The following DLGAP1 variants were observed in gnomAD, a reference collection of about 807,000 sequenced individuals.
DLGAP1 encodes the protein DLG associated protein 1, also known as disks large-associated protein 1.
Under a neutral mutation model 90.8 loss-of-function variants are expected in DLGAP1, and 11 were observed. That is an observed-to-expected ratio of 0.12 (90% CI 0.08 to 0.20). The LOEUF is 0.20. Among genes scored for constraint, DLGAP1 ranks in the 10% least tolerant of loss-of-function variants. The pLI is 1.00. For synonymous variants in DLGAP1, 558 were observed against 540.7 expected (o/e 1.03, Z -0.44); for missense variants, 1,050 against 1,333.8 (o/e 0.79, Z 3.31).
intron 1 of DLGAP1, among the ~76,000 whole-genome samples, chr18:4,227,462 G>C (rs1227739311): frequency 6.6e-6 from 1 of 151,506 alleles, no homozygotes; most frequent in Non-Finnish European, 1.5e-5. Flanking sequence ...CAGAAAACTA[G>C]TCTTAAGACA....
At chr18:3,726,299 T>G (rs1271099651) in intron 7 of DLGAP1, among the ~76,000 whole-genome samples, 1 of 152,188 alleles carries the variant, frequency 6.6e-6, no homozygotes, top group East Asian at 1.9e-4. Context: ...TTTCAAAAAT[T>G]ATTAGGTCCT....
chr18:4,018,038 A>G (rs1289441179), intron 2 of DLGAP1, among the ~76,000 whole-genome samples: 2 of 152,334 alleles, frequency 1.3e-5, no homozygotes, highest in African/African-American at 2.4e-5. Flanking sequence ...TAGGTTGGTA[A>G]CCAAAATATC....
intron 4 of DLGAP1, among the ~76,000 whole-genome samples, chr18:3,853,542 G>A (rs918930869): frequency 6.6e-6 from 1 of 151,378 alleles, no homozygotes; most frequent in South Asian, 2.1e-4. Context: ...ATAGCTGAGG[G>A]GTGTAGGAGG....
chr18:4,338,831 C>T (rs1568523231), intron 1 of DLGAP1, among the ~76,000 whole-genome samples: 1 of 152,170 alleles, frequency 6.6e-6, no homozygotes, highest in Non-Finnish European at 1.5e-5. Context: ...CACCAAGGCA[C>T]TGATCAGGAC....
Position 3,498,110 on chromosome 18 carries a change from G to A in DLGAP1, c.*1075C>T, listed in dbSNP as rs193233957. ...AATAGACGGATGTGTAGCATTCAAA[G>A]GGATGGTAGGAAAACCCAAACTCTT... is the stretch of plus-strand genomic sequence containing the variant. On this transcript the variant is annotated 3_prime_UTR_variant, in exon 13 of 13. Transcript: ENST00000315677. 7 of 152,310 alleles carry A rather than the reference G, an allele frequency of 4.6e-5. No homozygotes were observed. Among genetic ancestry groups the A allele is most frequent in the Admixed American group, 6.5e-5 (1 of 15,300 alleles). 9.4% of individuals were successfully genotyped at this position (152,310 alleles called of 1,614,324 possible). A position where few individuals can be genotyped will look rare whatever the true frequency, so the allele number is the denominator to read the frequency against.
chr18:3,880,097 T>C lies in DLGAP1; in HGVS notation c.-29A>G, dbSNP rs766503482. ...GGACCGGAAGCAGCCGCCAGGGTCATGGACACCCGGAAGTCAGGCTCCAGA... is the reference window on the plus strand; with the variant it reads ...GGACCGGAAGCAGCCGCCAGGGTCACGGACACCCGGAAGTCAGGCTCCAGA... On this transcript the variant is annotated 5_prime_UTR_variant, in exon 4 of 13. The change abolishes an upstream ATG in the 5' untranslated region. Coordinates refer to ENST00000315677, the MANE Select transcript of DLGAP1 (RefSeq NM_004746.4). 3.1e-6 allele frequency: 5 copies of C among 1,591,786 alleles called. No individual in the cohort carries two copies. The South Asian group carries it at 4.4e-5, about 14-fold the overall frequency.
chr18:3,890,857 G>C (rs2071441401), intron 3 of DLGAP1, among the ~76,000 whole-genome samples: 1 of 152,110 alleles, frequency 6.6e-6, no homozygotes, highest in Admixed American at 6.6e-5. Context: ...GCCTCCCAAA[G>C]TGCTGGAATT....
chr18:3,677,996 C>T (rs1567948918), intron 7 of DLGAP1, among the ~76,000 whole-genome samples: 1 of 130,322 alleles, frequency 7.7e-6, no homozygotes, highest in African/African-American at 2.9e-5. Context: ...GAGTCTAGCT[C>T]TGTCGCCCAG....
intron 2 of DLGAP1, among the ~76,000 whole-genome samples, chr18:4,137,804 A>G (rs966953335): frequency 6.6e-6 from 1 of 152,074 alleles, no homozygotes; most frequent in Non-Finnish European, 1.5e-5. Context: ...AAATTCTTTC[A>G]TCAGTGTTTT....
rs139801177 is a variant in DLGAP1 at position 4,021,897 on chromosome 18, C to G, written c.-158-16696G>C. On this transcript the variant is annotated intron_variant, in intron 2 of 12. Coordinates refer to ENST00000315677, the MANE Select transcript of DLGAP1 (RefSeq NM_004746.4). ...TACAGGCGTGAGCCACTGTGCCCAG[C>G]CTCTCAGGTATTTCTTTATAGCAAC... Among the ~76,000 whole-genome samples the G allele has an allele frequency of 1.1e-3, 167 of 152,298 alleles. 1 individual carries two copies. The highest frequency in any genetic ancestry group is 3.9e-3 in the African/African-American group (162 of 41,560).
chr18:4,010,470 CCTAAGAG>C (rs1416508176), intron 2 of DLGAP1, among the ~76,000 whole-genome samples: 1 of 152,088 alleles, frequency 6.6e-6, no homozygotes, highest in Non-Finnish European at 1.5e-5. Context: ...AATGCTTGAG[CCTAAGAG>C]GTCAAGGCTG....
chr18:4,201,686 A>C (rs1307135513), intron 1 of DLGAP1, among the ~76,000 whole-genome samples: 2 of 152,186 alleles, frequency 1.3e-5, no homozygotes, highest in Non-Finnish European at 2.9e-5. Flanking sequence ...ATTTCTCAAA[A>C]GAAGATTATA....
At chr18:3,679,786 G>A (rs1385786587) in intron 7 of DLGAP1, 1 of 151,746 alleles carries the variant, frequency 6.6e-6, no homozygotes. Context: ...AGAAAAGAAA[G>A]AAAGACAACA....
rs113271241 is a variant in DLGAP1 at position 3,654,415 on chromosome 18, T to A, written c.1592-72167A>T. On this transcript the variant is annotated intron_variant, in intron 7 of 12. Transcript: ENST00000315677. ...AAACAATAGTTTTAAAATTACTTAA[T>A]GCTCTCTTGACTTTCTGACTTTTAA... is the stretch of plus-strand genomic sequence containing the variant. Among the ~76,000 whole-genome samples the A allele has an allele frequency of 2.4e-3, 362 of 152,342 alleles. 2 individuals carry two copies. Among genetic ancestry groups the A allele is most frequent in the African/African-American group, 8.5e-3 (353 of 41,578 alleles).
intron 1 of DLGAP1, among the ~76,000 whole-genome samples, chr18:4,155,075 CAAGA>C: frequency 6.6e-6 from 1 of 151,740 alleles, no homozygotes; most frequent in Middle Eastern, 3.4e-3. Flanking sequence ...GGGATTCCAC[CAAGA>C]AAGTGAGATT....
At chr18:3,695,401 A>G (rs1178302723) in intron 7 of DLGAP1, among the ~76,000 whole-genome samples, 1 of 152,198 alleles carries the variant, frequency 6.6e-6, no homozygotes, top group East Asian at 1.9e-4. Flanking sequence ...GAAGGGGTCC[A>G]GTTTCAGTTC....
At chr18:4,286,366 T>C (rs16946337) in intron 1 of DLGAP1, among the ~76,000 whole-genome samples, 7,023 of 152,200 alleles carry the variant, frequency 0.046, 229 homozygotes, top group African/African-American at 0.084. Flanking sequence ...GACCGTTCTC[T>C]GAGCCTAGAA....
intron 7 of DLGAP1, among the ~76,000 whole-genome samples, chr18:3,602,717 T>C (rs906938894): frequency 6.6e-6 from 1 of 152,072 alleles, no homozygotes; most frequent in Non-Finnish European, 1.5e-5. Flanking sequence ...CACTGCCTCC[T>C]GGTGCGGATT....
chr18:3,742,640 G>T, intron 5 of DLGAP1, 128 bp from the exon 6 acceptor site: 1 of 1,102,496 alleles, frequency 9.1e-7, no homozygotes. Flanking sequence ...GCCCTTCTGT[G>T]ATTACTAAAC....
Sources: gnomAD v4.1 joint callset for allele counts (sites outside exome capture counted in the v4.1 genomes callset) on GRCh38, gnomAD v4.1.1 for gene constraint, MANE v1.5 for transcripts, NCBI Gene and HGNC (gene_info 2026-07-23, HGNC 2026-07-21) for gene names.